The following SLC14A2 variants were observed in gnomAD, a reference collection of about 807,000 sequenced individuals.
The protein encoded by SLC14A2 is solute carrier family 14 member 2.
Under a neutral mutation model 104.6 loss-of-function variants are expected in SLC14A2, and 91 were observed. The observed-to-expected ratio is 0.87, with a 90% CI of 0.73 to 1.04. The LOEUF (loss-of-function observed/expected upper bound fraction) is 1.04. Among genes scored for constraint, SLC14A2 ranks in the 50% least tolerant of loss-of-function variants. The pLI, the probability that SLC14A2 is intolerant of heterozygous loss-of-function variation, is 0.00. For synonymous variants in SLC14A2, 476 were observed against 466.4 expected (o/e 1.02, Z -0.27); for missense variants, 1,189 against 1,156.0 (o/e 1.03, Z -0.41).
chr18:45,255,729 G>A (rs2084470429), intron 1 of SLC14A2, among the ~76,000 whole-genome samples: 3 of 152,088 alleles, frequency 2.0e-5, no homozygotes, highest in African/African-American at 7.2e-5. Flanking sequence ...ATTCCTCTGG[G>A]ATTATTTCAA....
chr18:45,446,268 C>G (rs2086767840), intron 1 of SLC14A2, among the ~76,000 whole-genome samples: 1 of 149,218 alleles, frequency 6.7e-6, no homozygotes, highest in Admixed American at 6.8e-5. Context: ...AAGCCCTAAC[C>G]CCATATATGA....
intron 1 of SLC14A2, among the ~76,000 whole-genome samples, chr18:45,459,131 C>G (rs2086996671): frequency 6.6e-6 from 1 of 152,170 alleles, no homozygotes; most frequent in East Asian, 1.9e-4. Flanking sequence ...CAAACTCTCC[C>G]CAGCAATGGA....
At chr18:45,509,357 T>G (rs187721952) in intron 2 of SLC14A2, among the ~76,000 whole-genome samples, 13 of 152,196 alleles carry the variant, frequency 8.5e-5, no homozygotes, top group Admixed American at 3.3e-4. Flanking sequence ...AAATTCTCCA[T>G]AAGTTTTCTT....
intron 1 of SLC14A2, among the ~76,000 whole-genome samples, chr18:45,463,855 G>T (rs2087090400): frequency 6.6e-6 from 1 of 152,158 alleles, no homozygotes; most frequent in African/African-American, 2.4e-5. Context: ...AGCACTTTAT[G>T]ACAGGGCTTT....
intron 1 of SLC14A2, among the ~76,000 whole-genome samples, chr18:45,618,864 C>T (rs868160655): frequency 6.6e-6 from 1 of 151,966 alleles, no homozygotes; most frequent in Non-Finnish European, 1.5e-5. Flanking sequence ...CCCAGGGCAG[C>T]AGGAGCATAC....
chr18:45,510,035 C>T (rs2043342577), intron 2 of SLC14A2, among the ~76,000 whole-genome samples: 1 of 152,176 alleles, frequency 6.6e-6, no homozygotes, highest in Non-Finnish European at 1.5e-5. Context: ...AACATTTCTC[C>T]CTCACCTCCT....
intron 2 of SLC14A2, among the ~76,000 whole-genome samples, chr18:45,569,239 A>T (rs1448338368): frequency 6.6e-6 from 1 of 152,134 alleles, no homozygotes; most frequent in Non-Finnish European, 1.5e-5. Context: ...AGTCTGAAAA[A>T]ATCTGTTGCC....
chr18:45,174,031 G>T, the SLC14A2 span, among the ~76,000 whole-genome samples: 18 of 152,264 alleles, frequency 1.2e-4, no homozygotes, highest in East Asian at 5.8e-4. Flanking sequence ...GTATTATGGA[G>T]TAAGCCATTA....
At chr18:45,297,455 G>C (rs1228459905) in intron 1 of SLC14A2, among the ~76,000 whole-genome samples, 1 of 152,242 alleles carries the variant, frequency 6.6e-6, no homozygotes, top group Non-Finnish European at 1.5e-5. Context: ...GCAGATGAGA[G>C]TGTTTGGCTG....
chr18:45,477,521 A>G (rs1383967256), intron 1 of SLC14A2, among the ~76,000 whole-genome samples: 2 of 152,090 alleles, frequency 1.3e-5, no homozygotes, highest in Non-Finnish European at 2.9e-5. Context: ...GTGCTGGGAG[A>G]TCTGCTGATC....
the SLC14A2 span, among the ~76,000 whole-genome samples, chr18:45,184,043 C>T: frequency 1.2e-4 from 18 of 150,454 alleles, no homozygotes; most frequent in Admixed American, 1.1e-3. Flanking sequence ...CATGAGCCAC[C>T]ATGCCCAGCC....
chr18:45,528,563 T>G (rs1001233621), intron 2 of SLC14A2: 3 of 141,408 alleles, frequency 2.1e-5, no homozygotes, highest in African/African-American at 8.4e-5. Context: ...TTTTTCCACC[T>G]CCCCCCGAAT....
intron 1 of SLC14A2, among the ~76,000 whole-genome samples, chr18:45,457,140 G>A (rs145285960): frequency 2.1e-3 from 322 of 152,268 alleles, no homozygotes; most frequent in African/African-American, 7.4e-3. Flanking sequence ...ATTTTGCCTA[G>A]TACTTTGTAG....
the SLC14A2 span, among the ~76,000 whole-genome samples, chr18:45,170,156 C>G: frequency 6.7e-3 from 1,023 of 152,164 alleles, 22 homozygotes; most frequent in African/African-American, 0.023. Flanking sequence ...CACTCTGCTC[C>G]CGAGCATTGT....
Position 45,240,221 on chromosome 18 carries a change from C to T in SLC14A2, c.-125+27030C>T, listed in dbSNP as rs576299242. ...AAGCGATTCTCCTGTCTCAGCGTCC[C>T]GAGTGGCTGGGACTACAGGCATGTG... On this transcript the variant is annotated intron_variant, in intron 1 of 20. Transcript: ENST00000586448. 9.3e-5 allele frequency among the ~76,000 whole-genome samples: 14 copies of T among 151,204 alleles called. No individual in the cohort carries two copies. In the South Asian group the frequency reaches 1.3e-3, roughly 14 times the overall value.
chr18:45,436,524 C>T, intron 1 of SLC14A2: 1 of 152,236 alleles, frequency 6.6e-6, no homozygotes, highest in East Asian at 1.9e-4. Context: ...TCTATCACTT[C>T]TTTCTTCTCT....
chr18:45,593,497 T>TTTTTTC (rs1446882019), intron 2 of SLC14A2, among the ~76,000 whole-genome samples: 1 of 135,140 alleles, frequency 7.4e-6, no homozygotes, highest in African/African-American at 2.8e-5. Flanking sequence ...TTTTTTTTTT[T>TTTTTTC]TTTTTTTTTT....
In SLC14A2 at chr18:45,542,542, G is replaced by C. The variant is rs1174494781; in HGVS notation, c.-35+59220G>C. Among the ~76,000 whole-genome samples the C allele has an allele frequency of 3.9e-5, 6 of 152,218 alleles. No homozygotes were observed. In the South Asian group the frequency reaches 1.2e-3, roughly 32 times the overall value. On this transcript the variant is annotated intron_variant, in intron 2 of 20. Transcript: ENST00000586448. ...AAACAATGATAGCATCCATAAAGATGTATCTTGTTTTATATAAGAAAAAAA... is the reference window on the plus strand; with the variant it reads ...AAACAATGATAGCATCCATAAAGATCTATCTTGTTTTATATAAGAAAAAAA...
intron 1 of SLC14A2, among the ~76,000 whole-genome samples, chr18:45,244,976 A>T (rs1418149843): frequency 6.6e-6 from 1 of 152,208 alleles, no homozygotes. Flanking sequence ...TGTAAGTGGA[A>T]GGTGGTGATT....
Sources: allele counts gnomAD v4.1 joint callset (sites outside exome capture counted in the v4.1 genomes callset), GRCh38; gene constraint gnomAD v4.1.1; transcripts MANE v1.5; gene names NCBI Gene and HGNC (gene_info 2026-07-23, HGNC 2026-07-21).